Variants in NCALD observed in about 807,000 individuals in gnomAD.
NCALD encodes the protein neurocalcin delta, also known as neurocalcin-delta.
NCALD carries 10 observed loss-of-function variants against 18.6 expected under a neutral mutation model. That is an observed-to-expected ratio of 0.54 (90% CI 0.33 to 0.91). The LOEUF is 0.91. Ranked by LOEUF, NCALD falls within the 40% of genes least tolerant of loss-of-function variation. The pLI is 0.03. For missense variants in NCALD, 184 were observed against 247.6 expected, an observed-to-expected ratio of 0.74 and a Z score of 1.72; for synonymous variants, 88 against 87.4, an observed-to-expected ratio of 1.01 and a Z score of -0.04.
At chr8:101,708,693 T>C (rs1314125633) in intron 2 of NCALD, among the ~76,000 whole-genome samples, 1 of 152,186 alleles carries the variant, frequency 6.6e-6, no homozygotes, top group African/African-American at 2.4e-5. Flanking sequence ...TTCAGTAACT[T>C]GTACAAGGGC....
chr8:101,907,130 C>T lies in NCALD; in HGVS notation c.-107+8679G>A, dbSNP rs1276321202. 2.0e-5 allele frequency among the ~76,000 whole-genome samples: 3 copies of T among 152,144 alleles called. No homozygotes were observed. The East Asian group carries it at 5.8e-4, about 29-fold the overall frequency. Reference sequence around the variant, plus strand: ...TTTTTGAAAAACATTGCGCTAAGTGCTATTTATTTTGATTATGGAGTTTTT... The same window carrying T: ...TTTTTGAAAAACATTGCGCTAAGTGTTATTTATTTTGATTATGGAGTTTTT... On this transcript the variant is annotated intron_variant, in intron 3 of 6. Coordinates refer to the NCALD transcript ENST00000311028.
chr8:101,947,008 AG>A (rs1819202381), intron 2 of NCALD, among the ~76,000 whole-genome samples: 1 of 152,172 alleles, frequency 6.6e-6, no homozygotes, highest in African/African-American at 2.4e-5. Context: ...GCTGCTGCAG[AG>A]AAGAGCAGAG....
Position 102,004,471 on chromosome 8 carries a change from T to C in NCALD, c.-157+15766A>G, listed in dbSNP as rs1347789855. Among the ~76,000 whole-genome samples the C allele has an allele frequency of 1.1e-4, 17 of 152,224 alleles. No homozygotes were observed. The East Asian group carries it at 3.3e-3, about 29-fold the overall frequency. On this transcript the variant is annotated intron_variant, in intron 2 of 6. Transcript: ENST00000311028. ...CATACTGCCCAAGGTAATTTATAGA[T>C]TCAGTGCCATCCCCATCAAGCTACC...
chr8:101,974,779 T>TA (rs766572641), intron 2 of NCALD, among the ~76,000 whole-genome samples: 1 of 152,120 alleles, frequency 6.6e-6, no homozygotes, highest in Non-Finnish European at 1.5e-5. Context: ...AAATTATACA[T>TA]ACATTCAGGG....
chr8:101,920,015 G>A (rs536326157), intron 2 of NCALD, among the ~76,000 whole-genome samples: 31 of 152,296 alleles, frequency 2.0e-4, no homozygotes, highest in African/African-American at 4.8e-4. Context: ...CCAGCACTTC[G>A]GGAGGCCAAA....
chr8:101,883,301 C>T (rs945423302), intron 4 of NCALD, among the ~76,000 whole-genome samples: 9 of 152,150 alleles, frequency 5.9e-5, no homozygotes, highest in African/African-American at 2.2e-4. Context: ...AAGATTGCAC[C>T]ACTGTACTCC....
At chr8:102,007,394 A>C (rs1821751239) in intron 2 of NCALD, among the ~76,000 whole-genome samples, 1 of 152,246 alleles carries the variant, frequency 6.6e-6, no homozygotes, top group African/African-American at 2.4e-5. Context: ...GAAAAGAAGC[A>C]GATTCTCAGG....
intron 1 of NCALD, among the ~76,000 whole-genome samples, chr8:101,725,025 G>T (rs1263684388): frequency 1.3e-5 from 2 of 152,216 alleles, no homozygotes; most frequent in East Asian, 1.9e-4. Flanking sequence ...TCAGCAGGGA[G>T]CAAACAGGCA....
rs557790861 is a variant in NCALD at position 101,717,136 on chromosome 8, T to C, written c.378+2116A>G. Reference sequence around the variant, plus strand: ...CCACCAGAGGGGAACTAATTTGGTATGATTCAGAGCTACACAGAATCCACA... The same window carrying C: ...CCACCAGAGGGGAACTAATTTGGTACGATTCAGAGCTACACAGAATCCACA... On this transcript the variant is annotated intron_variant, in intron 2 of 3. Transcript: ENST00000220931. Among the ~76,000 whole-genome samples, 16 of 152,370 alleles carry C rather than the reference T, an allele frequency of 1.1e-4. No individual in the cohort carries two copies. In the East Asian group the frequency reaches 2.7e-3, roughly 26 times the overall value.
chr8:101,894,814 A>C (rs1407339658), intron 3 of NCALD, among the ~76,000 whole-genome samples: 2 of 147,780 alleles, frequency 1.4e-5, no homozygotes, highest in African/African-American at 5.3e-5. Flanking sequence ...CTAAACCAGG[A>C]AGAAGTTGAA....
intron 1 of NCALD, chr8:102,070,011 G>A (rs1371653569): frequency 6.6e-6 from 1 of 152,062 alleles, no homozygotes; most frequent in Non-Finnish European, 1.5e-5. Flanking sequence ...CTACTCAGGA[G>A]GCTGAGGCAC....
At position 102,062,263 on chromosome 8, in the gene NCALD, A is replaced by T. The variant is rs369604265; in HGVS notation, c.-209-41974T>A. Among the ~76,000 whole-genome samples the T allele has an allele frequency of 5.5e-4, 84 of 152,340 alleles. 2 individuals carry two copies. The South Asian group carries it at 8.7e-3, about 16-fold the overall frequency. ...GGTTACAGTGAGCTATGATCGCACC[A>T]CTGCGCTCCAGCCTGTGTGACAGAG... On this transcript the variant is annotated intron_variant, in intron 1 of 6. Coordinates refer to the NCALD transcript ENST00000311028.
At chr8:101,844,472 C>CTCAT (rs998668350) in intron 4 of NCALD, among the ~76,000 whole-genome samples, 10 of 151,920 alleles carry the variant, frequency 6.6e-5, no homozygotes, top group Non-Finnish European at 1.2e-4. Flanking sequence ...ATCCTTCTGC[C>CTCAT]TCATTTTCCC....
chr8:101,971,236 C>T (rs1820229466), intron 2 of NCALD, among the ~76,000 whole-genome samples: 1 of 152,036 alleles, frequency 6.6e-6, no homozygotes, highest in Non-Finnish European at 1.5e-5. Flanking sequence ...CACGAGATGT[C>T]AGTGTGTATC....
chr8:101,958,834 C>T (rs1398577533), intron 2 of NCALD, among the ~76,000 whole-genome samples: 1 of 152,082 alleles, frequency 6.6e-6, no homozygotes, highest in Non-Finnish European at 1.5e-5. Context: ...AACTCCTAGC[C>T]CACTTTTATT....
intron 1 of NCALD, among the ~76,000 whole-genome samples, chr8:102,096,587 G>C (rs1348833325): frequency 6.6e-6 from 1 of 152,244 alleles, no homozygotes; most frequent in Non-Finnish European, 1.5e-5. Flanking sequence ...CAACCAATCA[G>C]ACATTTGCAT....
intron 1 of NCALD, among the ~76,000 whole-genome samples, chr8:102,060,649 C>A (rs1370482259): frequency 3.9e-5 from 6 of 152,110 alleles, no homozygotes; most frequent in African/African-American, 1.4e-4. Context: ...AGCATGTGGG[C>A]CTGGGAAGCA....
At chr8:101,939,023 A>G (rs9297316) in intron 2 of NCALD, among the ~76,000 whole-genome samples, 98,534 of 152,172 alleles carry the variant, frequency 0.65, 33,123 homozygotes, top group African/African-American at 0.84. Flanking sequence ...TTTCCATATA[A>G]AGGAAGAAAG....
Position 101,762,692 on chromosome 8 carries a change from G to A in NCALD, c.-20+28170C>T, listed in dbSNP as rs537067577. On this transcript the variant is annotated intron_variant, in intron 1 of 3. Coordinates refer to ENST00000220931, the MANE Select transcript of NCALD (RefSeq NM_032041.3). ...CAGGTTCAAGCAGTTCTCTCCCTCA[G>A]CCTCCCAAGTAGCTGGGGTTATAGG... Among the ~76,000 whole-genome samples, 35 of 151,040 alleles carry A rather than the reference G, an allele frequency of 2.3e-4. No homozygotes were observed. The South Asian group carries it at 7.1e-3, about 31-fold the overall frequency.
Sources: allele counts gnomAD v4.1 joint callset (sites outside exome capture counted in the v4.1 genomes callset), GRCh38; gene constraint gnomAD v4.1.1; transcripts MANE v1.5; gene names NCBI Gene and HGNC (gene_info 2026-07-23, HGNC 2026-07-21).